SLC12A2: variants seen among roughly 807,000 people sequenced by gnomAD.
The protein encoded by SLC12A2 is Na-K-2Cl cotransporter 1.
SLC12A2 carries 67 observed loss-of-function variants against 136.3 expected under a neutral mutation model. That is an observed-to-expected ratio of 0.49 (90% CI 0.40 to 0.60). The LOEUF is 0.60. Ranked by LOEUF, SLC12A2 falls within the 20% of genes least tolerant of loss-of-function variation. The pLI, the probability that SLC12A2 is intolerant of heterozygous loss-of-function variation, is 0.00. For synonymous variants in SLC12A2, 619 were observed against 562.9 expected (o/e 1.10, Z -1.41); for missense variants, 1,322 against 1,534.7 (o/e 0.86, Z 2.32).
intron 1 of SLC12A2, among the ~76,000 whole-genome samples, chr5:128,095,021 A>C (rs761773711): frequency 5.9e-5 from 9 of 152,088 alleles, no homozygotes; most frequent in African/African-American, 9.7e-5. Context: ...CTTTTCCTTC[A>C]TTCATTCTTT....
At chr5:128,185,038 C>T (rs896828630) in intron 26 of SLC12A2, among the ~76,000 whole-genome samples, 182 bp downstream of exon 26, 51 of 152,000 alleles carry the variant, frequency 3.4e-4, no homozygotes, top group African/African-American at 1.2e-3. Flanking sequence ...AAACTTTAAC[C>T]TTATGCTTAT....
intron 20 of SLC12A2, among the ~76,000 whole-genome samples, chr5:128,175,843 C>T (rs907052512): frequency 6.6e-6 from 1 of 151,686 alleles, no homozygotes; most frequent in African/African-American, 2.4e-5. Context: ...GCAGCATATC[C>T]GTAGTTATAA....
intron 15 of SLC12A2, 95 bp from the exon 16 acceptor site, chr5:128,157,958 T>C: frequency 1.1e-6 from 1 of 946,954 alleles, no homozygotes; most frequent in Non-Finnish European, 1.6e-6. Context: ...TTAAGGACAG[T>C]TGTATACAGA....
chr5:128,178,690 G>C lies in SLC12A2; in HGVS notation c.3100+1G>C. 6.5e-7 allele frequency: 1 copy of C among 1,542,666 alleles called. No individual in the cohort carries two copies. Among genetic ancestry groups the C allele is most frequent in the Admixed American group, 2.2e-5 (1 of 45,040 alleles). ...GTCTGGTGGCTTTTTGATGATGGAG[G>C]TAAGGTTGTTAATTTTTTTAAAATG... On this transcript the variant is annotated splice_donor_variant, in intron 22 of 26. Coordinates refer to ENST00000262461, the MANE Select transcript of SLC12A2 (RefSeq NM_001046.3). LOFTEE classifies it high-confidence loss of function.
intron 1 of SLC12A2, among the ~76,000 whole-genome samples, chr5:128,102,860 G>A (rs960046099): frequency 1.3e-5 from 2 of 151,654 alleles, no homozygotes; most frequent in African/African-American, 4.8e-5. Context: ...GAGCTCAAGC[G>A]ATCCACTGGC....
chr5:128,087,147 C>G (rs1760132636), intron 1 of SLC12A2, among the ~76,000 whole-genome samples: 1 of 152,164 alleles, frequency 6.6e-6, no homozygotes, highest in African/African-American at 2.4e-5. Flanking sequence ...AGTATTTTGT[C>G]TAGATGTCCA....
intron 17 of SLC12A2, among the ~76,000 whole-genome samples, chr5:128,165,372 C>G (rs549865319): frequency 6.6e-6 from 1 of 152,044 alleles, no homozygotes; most frequent in African/African-American, 2.4e-5. Context: ...CAAATTTTGG[C>G]TTAAGATGCA....
chr5:128,161,904 A>G (rs781695397), intron 17 of SLC12A2, 104 bp downstream of exon 17: 46 of 805,202 alleles, frequency 5.7e-5, no homozygotes, highest in Non-Finnish European at 7.8e-5. Context: ...AAAAATGGCA[A>G]ATCTTTTTTT....
At chr5:128,099,092 C>T (rs1760650402) in intron 1 of SLC12A2, among the ~76,000 whole-genome samples, 2 of 152,070 alleles carry the variant, frequency 1.3e-5, no homozygotes, top group Non-Finnish European at 2.9e-5. Context: ...GTTTCTTTTC[C>T]ATGCACATAC....
intron 21 of SLC12A2, chr5:128,177,451 GAC>G: frequency 4.6e-6 from 1 of 216,580 alleles, no homozygotes. Context: ...GATAAGTAGG[GAC>G]ACTGAAATAG....
intron 18 of SLC12A2, chr5:128,169,116 T>C (rs1763291773): frequency 6.6e-6 from 1 of 152,214 alleles, no homozygotes; most frequent in Non-Finnish European, 1.5e-5. Flanking sequence ...ATCTTGTTTA[T>C]ACTGAAGATA....
chr5:128,134,310 T>C (rs1762118863), intron 6 of SLC12A2, 35 bp downstream of exon 6: 1 of 1,059,396 alleles, frequency 9.4e-7, no homozygotes, highest in South Asian at 1.3e-5. Context: ...AAATATTTAA[T>C]ACGTAAACTT....
intron 7 of SLC12A2, among the ~76,000 whole-genome samples, chr5:128,137,449 A>G (rs560328963): frequency 1.8e-4 from 28 of 152,256 alleles, no homozygotes; most frequent in African/African-American, 6.5e-4. Context: ...CTGTAACCAC[A>G]TTGAATTAGA....
chr5:128,181,062 G>C, intron 23 of SLC12A2, 68 bp downstream of exon 23: 1 of 974,600 alleles, frequency 1.0e-6, no homozygotes, highest in Non-Finnish European at 1.6e-6. Context: ...AAATTTGATA[G>C]GATAAAAATT....
At position 128,084,657 on chromosome 5, in the gene SLC12A2, G is replaced by A. The variant is rs1487667289; in HGVS notation, c.703G>A (p.Gly235Ser). The change falls in exon 1 of 27, where the codon GGC becomes AGC. Residue 235 changes from glycine to serine, a missense_variant. Coordinates refer to ENST00000262461, the MANE Select transcript of SLC12A2 (RefSeq NM_001046.3). This position sits in a 1 kb window ranked among gnomAD's most constrained non-coding sequence, Gnocchi z 5.6. ...CTACCGGCACACAGCCGCGCAGCTG[G>A]GCGAGAAGCTGCTCCGGCCTAGCCT... is the stretch of plus-strand genomic sequence containing the variant. Reference protein sequence around the residue: ...DHYRHTAAQLGEKLLRPSLAE... With the variant: ...DHYRHTAAQLSEKLLRPSLAE... 6.2e-7 allele frequency: 1 copy of A among 1,612,688 alleles called. No individual in the cohort carries two copies. The highest frequency in any genetic ancestry group is 8.5e-7 in the Non-Finnish European group (1 of 1,179,608).
chr5:128,147,576 A>C, intron 10 of SLC12A2, 46 bp from the exon 11 acceptor site: 3 of 1,220,272 alleles, frequency 2.5e-6, no homozygotes, highest in Middle Eastern at 3.9e-4. Flanking sequence ...TATTTTCTGA[A>C]TTGTTTGTGA....
chr5:128,158,195 T>A (rs767669265), intron 16 of SLC12A2, 31 bp downstream of exon 16: 17 of 1,496,090 alleles, frequency 1.1e-5, no homozygotes, highest in Admixed American at 1.9e-5. Context: ...CTTTTTCAAG[T>A]TTTTTTTTAA....
At chr5:128,099,806 C>T (rs1044472633) in intron 1 of SLC12A2, among the ~76,000 whole-genome samples, 2 of 152,098 alleles carry the variant, frequency 1.3e-5, no homozygotes, top group Admixed American at 1.3e-4. Flanking sequence ...CACCTTGTCC[C>T]ACTAGAAGGT....
rs1763817629 is a variant in SLC12A2, at chr5:128,184,774, C to G, written c.3436-15C>G. The G allele has an allele frequency of 1.9e-6, 3 of 1,610,812 alleles. No homozygotes were observed. The highest frequency in any genetic ancestry group is 1.7e-4 in the Middle Eastern group (1 of 6,054). ...TTCCACATGGTCTAGGAATGACTGTCCTGTTTCATTTCAGACATACCGGCA... is the reference window on the plus strand; with the variant it reads ...TTCCACATGGTCTAGGAATGACTGTGCTGTTTCATTTCAGACATACCGGCA... On this transcript the variant is annotated splice_polypyrimidine_tract_variant and intron_variant, in intron 25 of 26. Coordinates refer to ENST00000262461, the MANE Select transcript of SLC12A2 (RefSeq NM_001046.3).
Sources: allele counts gnomAD v4.1 joint callset (sites outside exome capture counted in the v4.1 genomes callset), GRCh38; gene constraint gnomAD v4.1.1; non-coding constraint Gnocchi (gnomAD v3.1); transcripts MANE v1.5; gene names NCBI Gene and HGNC (gene_info 2026-07-23, HGNC 2026-07-21).